The following KMT2C variants were observed in gnomAD, a reference collection of about 807,000 sequenced individuals.
KMT2C encodes lysine methyltransferase 2C, also known as histone-lysine N-methyltransferase 2C.
Under a neutral mutation model 507.9 loss-of-function variants are expected in KMT2C, and 88 were observed. That is an observed-to-expected ratio of 0.17 (90% CI 0.15 to 0.21). The LOEUF is 0.21. KMT2C is among the 10% of genes least tolerant of loss of function. The probability of loss-of-function intolerance (pLI) is 1.00; values close to 1 mark genes in which losing one functional copy is unlikely to be tolerated. For missense variants in KMT2C, 4,954 were observed against 5,957.8 expected, an observed-to-expected ratio of 0.83 and a Z score of 5.55; for synonymous variants, 2,049 against 2,080.8, an observed-to-expected ratio of 0.98 and a Z score of 0.42.
intron 2 of KMT2C, among the ~76,000 whole-genome samples, chr7:152,351,826 C>T (rs918716908): frequency 1.3e-5 from 2 of 152,104 alleles, no homozygotes; most frequent in African/African-American, 2.4e-5. Flanking sequence ...CTCTTAATCC[C>T]GTCATTTTCA....
rs1158549754 is a variant in KMT2C, at chr7:152,163,547, G to A, written c.10030C>T (p.Leu3344=). ...GWQPNSAPAH[L]PLNPPRIQPP... is the part of the protein sequence containing the mutation. ...TGAATTCTAGGAGGATTGAGGGGCA[G>A]GTGGGCAGGAGCACTGTTGGGTTGC... Residue 3344 remains leucine (L), a synonymous_variant, in exon 43 of 59, where the codon CTG becomes TTG. Transcript: ENST00000262189. The A allele has an allele frequency of 6.2e-7, 1 of 1,610,364 alleles. No individual in the cohort carries two copies. The highest frequency in any genetic ancestry group is 8.5e-7 in the Non-Finnish European group (1 of 1,177,576).
intron 2 of KMT2C, among the ~76,000 whole-genome samples, chr7:152,347,637 T>C (rs981649650): frequency 6.6e-6 from 1 of 152,254 alleles, no homozygotes. Flanking sequence ...TACATTTGTT[T>C]ACATTTCTCT....
chr7:152,391,729 G>C (rs1194296152), intron 1 of KMT2C, among the ~76,000 whole-genome samples: 1 of 151,722 alleles, frequency 6.6e-6, no homozygotes, highest in African/African-American at 2.4e-5. Context: ...TAGATACGGG[G>C]TTTCACTATA....
chr7:152,199,893 C>A (rs1028267946), intron 26 of KMT2C, among the ~76,000 whole-genome samples: 4 of 152,132 alleles, frequency 2.6e-5, no homozygotes, highest in Non-Finnish European at 4.4e-5. Flanking sequence ...CATCATCAAT[C>A]TGAAAGACGG....
chr7:152,281,506 TG>T (rs2096207865), intron 6 of KMT2C, among the ~76,000 whole-genome samples: 2 of 152,068 alleles, frequency 1.3e-5, no homozygotes, highest in Admixed American at 6.5e-5. Flanking sequence ...CAGAGGTAGG[TG>T]GATCACCTGA....
intron 50 of KMT2C, 80 bp from the exon 51 acceptor site, chr7:152,151,087 T>C (rs1194490113): frequency 9.5e-6 from 8 of 841,850 alleles, no homozygotes; most frequent in Non-Finnish European, 1.5e-5. Flanking sequence ...TATTTTTATG[T>C]TATATTCAAA....
rs535013598 is a variant in KMT2C at position 152,411,356 on chromosome 7, A to G, written c.161+24270T>C. 6.4e-4 allele frequency among the ~76,000 whole-genome samples: 97 copies of G among 152,280 alleles called. No homozygotes were observed. In the East Asian group the frequency reaches 0.017, roughly 26 times the overall value. On this transcript the variant is annotated intron_variant, in intron 1 of 58. Transcript: ENST00000262189. ...AGGGCGGGATCCGTGGCTCCCAATC[A>G]AGTCCGACAACCTGATCTCATGGCA... is the stretch of plus-strand genomic sequence containing the variant.
rs776053412 is a variant in KMT2C, at chr7:152,176,323, T to G, written c.9130A>C (p.Arg3044=). 1.2e-6 allele frequency: 2 copies of G among 1,614,110 alleles called. No homozygotes were observed. Among genetic ancestry groups the G allele is most frequent in the Non-Finnish European group, 1.7e-6 (2 of 1,180,010 alleles). ...GGCTGTTCTTCTAGAAGAAGGGGCC[T>G]CTCTCTATTCTGCTGTGCTAATGTT... ...PQTLAQQNRE[R]PLLLEEQPLL... The change falls in exon 38 of 59, where the codon AGG becomes CGG. Residue 3044 remains arginine, a synonymous_variant. Coordinates refer to ENST00000262189, the MANE Select transcript of KMT2C (RefSeq NM_170606.3).
chr7:152,422,715 G>GTAC lies in KMT2C; in HGVS notation c.161+12908_161+12910dup, dbSNP rs561819332. On this transcript the variant is annotated intron_variant, in intron 1 of 58. Coordinates refer to ENST00000262189, the MANE Select transcript of KMT2C (RefSeq NM_170606.3). ...CTTTGAACCTATTCTAAGTAGCAAG[G>GTAC]TACTCATCTAAAAAAACTACATTCC... is the stretch of plus-strand genomic sequence containing the variant. 3.3e-5 allele frequency among the ~76,000 whole-genome samples: 5 copies of GTAC among 151,978 alleles called. No homozygotes were observed. The South Asian group carries it at 1.0e-3, about 32-fold the overall frequency.
intron 6 of KMT2C, among the ~76,000 whole-genome samples, chr7:152,304,427 T>C (rs116486700): frequency 6.6e-6 from 1 of 152,368 alleles, no homozygotes; most frequent in African/African-American, 2.4e-5. Flanking sequence ...AAATTCCATG[T>C]TCAAGTTTCT....
At position 152,205,161 on chromosome 7, in the gene KMT2C, C is replaced by G; in HGVS notation, c.3906G>C (p.Val1302=). 1.2e-6 allele frequency: 2 copies of G among 1,611,246 alleles called. No individual in the cohort carries two copies. The highest frequency in any genetic ancestry group is 1.3e-5 in the African/African-American group (1 of 74,906). ...RTGQGKTKRS[V]IRKDSSGSIS... ...TAGAGCCTGAGGAATCTTTTCTGAT[C>G]ACAGATCTTTTGGTTTTCCCTTGCC... Residue 1302 remains valine (V), a synonymous_variant, in exon 25 of 59, where the codon GTG becomes GTC. Transcript: ENST00000262189.
chr7:152,399,439 G>A (rs1256038085), intron 1 of KMT2C, among the ~76,000 whole-genome samples: 1 of 152,156 alleles, frequency 6.6e-6, no homozygotes, highest in Non-Finnish European at 1.5e-5. Context: ...AGAAACTGGA[G>A]TCTGGGAGAG....
chr7:152,184,106 A>G (rs926530481), intron 34 of KMT2C, among the ~76,000 whole-genome samples: 1 of 150,312 alleles, frequency 6.7e-6, no homozygotes, highest in Non-Finnish European at 1.5e-5. Flanking sequence ...GAAAAAAGGA[A>G]AAATATCCAA....
intron 34 of KMT2C, among the ~76,000 whole-genome samples, chr7:152,184,332 T>C (rs946806078): frequency 6.6e-6 from 1 of 152,110 alleles, no homozygotes; most frequent in Admixed American, 6.5e-5. Flanking sequence ...GGGAACAAGC[T>C]GGAAAATAAC....
rs756283407 is a variant in KMT2C, at chr7:152,159,060, C to A, written c.11473G>T (p.Ala3825Ser). 2.5e-6 allele frequency: 4 copies of A among 1,614,074 alleles called. No individual in the cohort carries two copies. Among genetic ancestry groups the A allele is most frequent in the Non-Finnish European group, 3.4e-6 (4 of 1,179,994 alleles). The change falls in exon 44 of 59, where the codon GCT (alanine) becomes TCT (serine). Residue 3825 changes from alanine (A) to serine (S), a missense_variant. Coordinates refer to ENST00000262189, the MANE Select transcript of KMT2C (RefSeq NM_170606.3). Reference sequence around the variant, plus strand: ...CATCCAAAACCACCTTGCATTTGAGCCCCCAAAGTTTGCTAATGTAATTGG... The same window carrying A: ...CATCCAAAACCACCTTGCATTTGAGACCCCAAAGTTTGCTAATGTAATTGG... ...NPAEGLQTLGAQMQGGFGCGN... is the reference protein window; with the variant it reads ...NPAEGLQTLGSQMQGGFGCGN...
chr7:152,151,838 G>A (rs1280544175), intron 49 of KMT2C, among the ~76,000 whole-genome samples: 2 of 151,690 alleles, frequency 1.3e-5, no homozygotes, highest in Admixed American at 1.3e-4. Context: ...ATAAAACTAA[G>A]TCACCAAGAG....
chr7:152,252,780 T>A, intron 9 of KMT2C, 65 bp from the exon 10 acceptor site: 2 of 1,173,526 alleles, frequency 1.7e-6, no homozygotes, highest in Non-Finnish European at 2.4e-6. Context: ...AGTTCTGATG[T>A]AAACCTTTAA....
Position 152,181,007 on chromosome 7 carries a change from C to G in KMT2C, c.6853G>C (p.Asp2285His), listed in dbSNP as rs2093417553. 1 of 1,614,168 alleles carries G rather than the reference C, an allele frequency of 6.2e-7. No individual in the cohort carries two copies. Among genetic ancestry groups the G allele is most frequent in the Non-Finnish European group, 8.5e-7 (1 of 1,180,046 alleles). Residue 2285 changes from aspartate to histidine, a missense_variant, in exon 36 of 59, where the codon GAC becomes CAC. Around this residue, in one of 29 missense-constraint regions of KMT2C, gnomAD observed 1,689 missense variants for 1,654.3 expected, o/e 1.02. Coordinates refer to ENST00000262189, the MANE Select transcript of KMT2C (RefSeq NM_170606.3). ...TPRPPGPGLS[D>H]TFSRVSPSAA... is the part of the protein sequence containing the mutation. ...GATGGGGAAACACGGCTAAATGTGT[C>G]TGAAAGACCAGGTCCAGGGGGCCTA...
chr7:152,215,688 T>TATATATATATATATATATACACAC (rs766518165), intron 23 of KMT2C, among the ~76,000 whole-genome samples: 9 of 134,494 alleles, frequency 6.7e-5, no homozygotes, highest in African/African-American at 2.7e-4. Context: ...TATATATATA[T>TATATATATATATATATATACACAC]ACACACACAC....
Sources: gnomAD v4.1 joint callset for allele counts (sites outside exome capture counted in the v4.1 genomes callset) on GRCh38, gnomAD v4.1.1 for gene constraint, gnomAD v4.1.1 regional missense constraint, MANE v1.5 for transcripts, NCBI Gene and HGNC (gene_info 2026-07-23, HGNC 2026-07-21) for gene names.